The following MYH7 variants were observed in gnomAD, a reference collection of about 807,000 sequenced individuals.
MYH7 encodes the protein myosin heavy chain 7.
MYH7 carries 129 observed loss-of-function variants against 225.4 expected under a neutral mutation model. The observed-to-expected ratio is 0.57, with a 90% CI of 0.50 to 0.66. The LOEUF (loss-of-function observed/expected upper bound fraction) is 0.66. MYH7 is among the 30% of genes least tolerant of loss of function. The pLI, the probability that MYH7 is intolerant of heterozygous loss-of-function variation, is 0.00. For missense variants in MYH7, 1,649 were observed against 2,517.0 expected (o/e 0.66, Z 7.38); for synonymous variants, 971 against 1,007.6 (o/e 0.96, Z 0.69).
chr14:23,430,006 T>TA, intron 11 of MYH7, 93 bp from the exon 12 acceptor site: 1 of 1,485,738 alleles, frequency 6.7e-7, no homozygotes, highest in Non-Finnish European at 9.3e-7. Flanking sequence ...CTTGTCTCCT[T>TA]AATCCCTGTG....
chr14:23,414,233 TCTC>T (rs1892092712), intron 37 of MYH7, 131 bp from the exon 38 acceptor site: 3 of 733,030 alleles, frequency 4.1e-6, no homozygotes, highest in Middle Eastern at 3.1e-4. Context: ...ACACTTGAAT[TCTC>T]CTTATAATTT....
At chr14:23,423,511 G>A in intron 24 of MYH7, 36 bp downstream of exon 24, 1 of 1,588,722 alleles carries the variant, frequency 6.3e-7, no homozygotes, top group Non-Finnish European at 8.6e-7. Flanking sequence ...AGATAGACAT[G>A]GCATATCTAG....
chr14:23,433,936 A>G lies in MYH7; in HGVS notation c.-8-196T>C, dbSNP rs1244480411. 6.6e-6 allele frequency among the ~76,000 whole-genome samples: 1 copy of G among 152,210 alleles called. No homozygotes were observed. Among genetic ancestry groups the G allele is most frequent in the Non-Finnish European group, 1.5e-5 (1 of 68,026 alleles). ...TAGCAAACCTGCCAGGGTAAAAGGA[A>G]CAACTAACTATTGTTCAAGCTGGGG... On this transcript the variant is annotated intron_variant, in intron 2 of 39. Coordinates refer to ENST00000355349, the MANE Select transcript of MYH7 (RefSeq NM_000257.4). The surrounding 1 kb of genome is among the most constrained non-coding windows in gnomAD (Gnocchi z 4.1).
Position 23,423,995 on chromosome 14 carries a change from T to G in MYH7, c.2834A>C (p.Asp945Ala). ...GTCCCTTTTGAGCTCTGAGCACTCA[T>G]CTTCCAGCTTGCGCTTCTTGGCAGT... is the stretch of plus-strand genomic sequence containing the variant. ...ELTAKKRKLE[D>A]ECSELKRDID... is the part of the protein sequence containing the mutation. Residue 945 changes from aspartate to alanine, a missense_variant, in exon 23 of 40, where the codon GAT becomes GCT. Around this residue, in one of 12 missense-constraint regions of MYH7, gnomAD observed 282 missense variants for 315.3 expected, o/e 0.89. Transcript: ENST00000355349. 2 of 1,614,248 alleles carry G rather than the reference T, an allele frequency of 1.2e-6. No individual in the cohort carries two copies. The highest frequency in any genetic ancestry group is 1.7e-6 in the Non-Finnish European group (2 of 1,180,040).
At position 23,416,283 on chromosome 14, in the gene MYH7, G is replaced by C; in HGVS notation, c.4674C>G (p.Ile1558Met). The change falls in exon 34 of 40, where the codon ATC (isoleucine) becomes ATG (methionine). Residue 1558 changes from isoleucine to methionine, a missense_variant. By Grantham distance (10) the Ile-to-Met change is conservative (BLOSUM62 1). This residue lies in a region of MYH7 where 687 missense variants were observed against 913.8 expected (regional missense o/e 0.75). Coordinates refer to ENST00000355349, the MANE Select transcript of MYH7 (RefSeq NM_000257.4). ...GGTTGAACTCCAGCTGGGCCCGGAG[G>C]ATCTTGCCCTCCTCGTGCTCCAGGG... ...EASLEHEEGK[I>M]LRAQLEFNQI... The C allele has an allele frequency of 6.2e-7, 1 of 1,612,830 alleles. No individual in the cohort carries two copies. The highest frequency in any genetic ancestry group is 8.5e-7 in the Non-Finnish European group (1 of 1,179,166).
In MYH7 at chr14:23,417,697, G is replaced by A. The variant is rs1466176015; in HGVS notation, c.4170-11C>T. ...TGGGCCAGCTTCTTCCTGCCCAGGGGAGGGTGGCAGAGGGTGGGGAGGATG... is the reference window on the plus strand; with the variant it reads ...TGGGCCAGCTTCTTCCTGCCCAGGGAAGGGTGGCAGAGGGTGGGGAGGATG... On this transcript the variant is annotated splice_polypyrimidine_tract_variant and intron_variant, in intron 30 of 39. Transcript: ENST00000355349. 1.2e-6 allele frequency: 2 copies of A among 1,612,148 alleles called. No individual in the cohort carries two copies. The highest frequency in any genetic ancestry group is 2.2e-5 in the East Asian group (1 of 44,882).
In MYH7 at chr14:23,416,139, G is replaced by T. The variant is rs781731991; in HGVS notation, c.4818C>A (p.Arg1606=). The change falls in exon 34 of 40, where the codon CGC becomes CGA. Residue 1606 remains arginine, a synonymous_variant. Coordinates refer to ENST00000355349, the MANE Select transcript of MYH7 (RefSeq NM_000257.4). ...SLQTSLDAET[R]SRNEALRVKK... ...TCACCCTCAGGGCCTCGTTGCGGCT[G>T]CGTGTCTCTGCGTCCAGGGAGGTCT... The T allele has an allele frequency of 5.0e-6, 8 of 1,614,076 alleles. No homozygotes were observed. In the East Asian group the frequency reaches 1.6e-4, roughly 31 times the overall value.
chr14:23,428,674 C>T lies in MYH7; in HGVS notation c.1408-4G>A. 1 of 1,614,088 alleles carries T rather than the reference C, an allele frequency of 6.2e-7. No individual in the cohort carries two copies. The highest frequency in any genetic ancestry group is 8.5e-7 in the Non-Finnish European group (1 of 1,179,952). ...AGAGCTGCTCAAAGCTGTTGAACTG[C>T]AGGGGGCATGAGGGGTGGGAGCAGT... On this transcript the variant is annotated splice_region_variant and splice_polypyrimidine_tract_variant and intron_variant, in intron 14 of 39. Coordinates refer to ENST00000355349, the MANE Select transcript of MYH7 (RefSeq NM_000257.4).
At chr14:23,417,078 T>C (rs556053874) in intron 32 of MYH7, 75 bp downstream of exon 32, 8 of 1,614,006 alleles carry the variant, frequency 5.0e-6, no homozygotes, top group Non-Finnish European at 6.8e-6. Flanking sequence ...AGACGCCTCT[T>C]GGAGCCCTTG....
intron 12 of MYH7, 144 bp downstream of exon 12, chr14:23,429,631 G>T: frequency 8.3e-7 from 1 of 1,199,998 alleles, no homozygotes; most frequent in Non-Finnish European, 1.2e-6. Context: ...AGCCAAGATC[G>T]TGCCACTGCG....
Position 23,424,509 on chromosome 14 carries a change from G to C in MYH7, c.2679+260C>G, listed in dbSNP as rs57800623. Among the ~76,000 whole-genome samples the C allele has an allele frequency of 4.1e-3, 624 of 152,336 alleles. 7 individuals are homozygous for C. The highest frequency in any genetic ancestry group is 0.014 in the African/African-American group (594 of 41,576). On this transcript the variant is annotated intron_variant, in intron 22 of 39. Transcript: ENST00000355349. ...AATTGAGGCTCAAAGATGATGCATGGTCTGCCCAAGGTCACAAAATAATTA... is the reference window on the plus strand; with the variant it reads ...AATTGAGGCTCAAAGATGATGCATGCTCTGCCCAAGGTCACAAAATAATTA...
chr14:23,417,640 C>T lies in MYH7; in HGVS notation c.4216G>A (p.Ala1406Thr), dbSNP rs781659682. 2 of 1,613,062 alleles carry T rather than the reference C, an allele frequency of 1.2e-6. No homozygotes were observed. The highest frequency in any genetic ancestry group is 2.0e-4 in the Middle Eastern group (1 of 5,090). Residue 1406 changes from alanine to threonine, a missense_variant, in exon 31 of 40, where the codon GCT (alanine) becomes ACT (threonine). Around this residue, in one of 12 missense-constraint regions of MYH7, gnomAD observed 687 missense variants for 913.8 expected, o/e 0.75. Transcript: ENST00000355349. Reference protein sequence around the residue: ...RLQEAEEAVEAVNAKCSSLEK... With the variant: ...RLQEAEEAVETVNAKCSSLEK... ...AGCGAGGAGCACTTGGCATTAACAG[C>T]CTCCACGGCCTCCTCAGCTTCCTGC...
At position 23,422,095 on chromosome 14, in the gene MYH7, T is replaced by C. The variant is rs1382517592; in HGVS notation, c.3245+85A>G. On this transcript the variant is annotated intron_variant, in intron 25 of 39. Transcript: ENST00000355349. Reference sequence around the variant, plus strand: ...CACTTGTGGAGGCTGCGTGAGGTTGTTGCCTCAGAGGATGGCTGTCTTGGG... The same window carrying C: ...CACTTGTGGAGGCTGCGTGAGGTTGCTGCCTCAGAGGATGGCTGTCTTGGG... 7.0e-5 allele frequency: 112 copies of C among 1,594,852 alleles called. 1 individual carries two copies. Among genetic ancestry groups the C allele is most frequent in the Non-Finnish European group, 9.2e-5 (107 of 1,168,164 alleles).
At chr14:23,413,566 CAAAA>C (rs4048657) in intron 39 of MYH7, among the ~76,000 whole-genome samples, 189 bp downstream of exon 39, 122 of 109,734 alleles carry the variant, frequency 1.1e-3, no homozygotes, top group Admixed American at 1.5e-3. Context: ...GACACCGTCT[CAAAA>C]AAAAAAAAAA....
chr14:23,415,315 C>A lies in MYH7; in HGVS notation c.5284-45G>T, dbSNP rs45468101. On this transcript the variant is annotated intron_variant, in intron 36 of 39. Transcript: ENST00000355349. This position sits in a 1 kb window ranked among gnomAD's most constrained non-coding sequence, Gnocchi z 6.3. ...GGCACATGGTCTGGTCAAGTCCTCA[C>A]ACACTTGCTGCCCAGCCCACGGAGA... 0.013 allele frequency: 20,527 copies of A among 1,614,246 alleles called. 409 individuals carry two copies. Among genetic ancestry groups the A allele is most frequent in the East Asian group, 0.081 (3,644 of 44,870 alleles).
At chr14:23,413,654 C>G in intron 39 of MYH7, 105 bp downstream of exon 39, 1 of 1,515,014 alleles carries the variant, frequency 6.6e-7, no homozygotes, top group Non-Finnish European at 9.0e-7. Flanking sequence ...CCATGTGGCT[C>G]AAGTGTGTGG....
intron 17 of MYH7, 131 bp downstream of exon 17, chr14:23,427,109 G>T: frequency 1.1e-6 from 1 of 910,828 alleles, no homozygotes; most frequent in Non-Finnish European, 1.7e-6. Context: ...AAGACAGAGT[G>T]AAAATGGTCC....
At chr14:23,414,432 T>G (rs1053424084) in intron 37 of MYH7, among the ~76,000 whole-genome samples, 6 of 151,814 alleles carry the variant, frequency 4.0e-5, no homozygotes, top group Admixed American at 2.0e-4. Flanking sequence ...ATGCTGGGAG[T>G]GACTTTGGGG....
At chr14:23,417,835 A>G (rs928236495) in intron 30 of MYH7, 149 bp from the exon 31 acceptor site, 10 of 1,153,476 alleles carry the variant, frequency 8.7e-6, no homozygotes, top group Non-Finnish European at 1.1e-5. Flanking sequence ...GGCCGAGAAC[A>G]TCAGGCAGAG....
Sources: allele counts gnomAD v4.1 joint callset (sites outside exome capture counted in the v4.1 genomes callset), GRCh38; gene constraint gnomAD v4.1.1; regional missense constraint gnomAD v4.1.1; non-coding constraint Gnocchi (gnomAD v3.1); transcripts MANE v1.5; gene names NCBI Gene and HGNC (gene_info 2026-07-23, HGNC 2026-07-21).